The following EMG1 variants were observed in gnomAD, a reference collection of about 807,000 sequenced individuals.
EMG1 encodes ribosomal RNA small subunit methyltransferase NEP1.
In EMG1, 24 loss-of-function variants were observed where a neutral mutation model predicts 26.9. The observed-to-expected ratio is 0.89, with a 90% CI of 0.65 to 1.26. EMG1 has a LOEUF of 1.26. Among genes scored for constraint, EMG1 ranks in the 50% most tolerant of loss-of-function variants. The pLI is 0.00. For missense variants in EMG1, 299 were observed against 307.6 expected, an observed-to-expected ratio of 0.97 and a Z score of 0.21; for synonymous variants, 140 against 112.6, an observed-to-expected ratio of 1.24 and a Z score of -1.54.
chr12:6,980,979 C>T, downstream of EMG1: 1 of 1,557,374 alleles, frequency 6.4e-7, no homozygotes, highest in Non-Finnish European at 8.7e-7. Flanking sequence ...CCTACACAAA[C>T]ATCTGGACCA....
At chr12:6,981,595 C>G, downstream of EMG1, 1 of 1,614,010 alleles carries the variant, frequency 6.2e-7, no homozygotes, top group Non-Finnish European at 8.5e-7. Flanking sequence ...GGGTACTTAC[C>G]TGATCTTTCC....
downstream of EMG1, chr12:6,981,518 G>T (rs1442730790): frequency 6.9e-7 from 1 of 1,451,480 alleles, no homozygotes; most frequent in Non-Finnish European, 9.7e-7. Flanking sequence ...TGGAATTTGG[G>T]TTCAGTCTTT....
At position 6,975,353 on chromosome 12, in the gene EMG1, TG is replaced by T; in HGVS notation, c.598del (p.Val200Ter). ...CCCAGCAGTGATCCTATTGTTTTTG[TG>T]GTAGGGGCCTTTGCCCATGGCAAGG... ...LVPSSDPIVF[V>X]VGAFAHGKVS... On this transcript the variant is annotated frameshift_variant, in exon 5 of 6. Transcript: ENST00000599672. LOFTEE classifies it high-confidence loss of function. The T allele has an allele frequency of 6.2e-7, 1 of 1,604,532 alleles. No individual in the cohort carries two copies. Among genetic ancestry groups the T allele is most frequent in the Non-Finnish European group, 8.5e-7 (1 of 1,175,086 alleles).
At position 6,977,731 on chromosome 12, in the gene EMG1, C is replaced by T. The variant is rs376008049; in HGVS notation, c.*1922C>T. 1.2e-4 allele frequency: 200 copies of T among 1,613,872 alleles called. 2 individuals carry two copies. The Admixed American group carries it at 1.9e-3, about 16-fold the overall frequency. ...TTCTTTATTTCCAAGGAACTTGAGT[C>T]GTTTGAAGATGTAGCTGGAGAAAAG... On this transcript the variant is annotated 3_prime_UTR_variant, in exon 6 of 6. Coordinates refer to ENST00000599672, the MANE Select transcript of EMG1 (RefSeq NM_006331.8). The surrounding 1 kb of genome is among the most constrained non-coding windows in gnomAD (Gnocchi z 4.5).
At chr12:6,975,618 A>G (rs1184722868) in intron 5 of EMG1, 78 bp from the exon 6 acceptor site, 6 of 1,075,014 alleles carry the variant, frequency 5.6e-6, no homozygotes, top group Non-Finnish European at 8.7e-6. Flanking sequence ...TAGCTCAGCC[A>G]TAGTTTTCCT....
chr12:6,972,825 C>T (rs1043452113), intron 1 of EMG1, among the ~76,000 whole-genome samples: 2 of 152,066 alleles, frequency 1.3e-5, no homozygotes, highest in African/African-American at 2.4e-5. Flanking sequence ...TTCCTTTCTT[C>T]GTTTCCACTT....
chr12:6,978,186 G>T lies in EMG1; in HGVS notation c.*2377G>T. ...TGACAGTAATGGTTTTTTTGGGAGG[G>T]GGGTATAGGTGGGGGTCAAAGTCAG... On this transcript the variant is annotated 3_prime_UTR_variant, in exon 6 of 6. Coordinates refer to ENST00000599672, the MANE Select transcript of EMG1 (RefSeq NM_006331.8). The T allele has an allele frequency of 1.2e-6, 1 of 825,332 alleles. No individual in the cohort carries two copies. The highest frequency in any genetic ancestry group is 1.9e-6 in the Non-Finnish European group (1 of 528,322). 51.1% of individuals were successfully genotyped at this position (825,332 alleles called of 1,614,324 possible). A position where few individuals can be genotyped will look rare whatever the true frequency, so the allele number is the denominator to read the frequency against.
downstream of EMG1, chr12:6,982,539 C>G (rs999962753): frequency 1.5e-6 from 1 of 647,048 alleles, no homozygotes; most frequent in Non-Finnish European, 2.8e-6. Context: ...AGCCACCTAC[C>G]TGAAGTCATA....
chr12:6,974,220 T>G, intron 1 of EMG1, 119 bp from the exon 2 acceptor site: 2 of 739,318 alleles, frequency 2.7e-6, no homozygotes, highest in Non-Finnish European at 2.3e-6. Context: ...GCCTGAGAAT[T>G]TGCCTAACAA....
downstream of EMG1, among the ~76,000 whole-genome samples, chr12:6,988,847 C>T (rs1555155096): frequency 2.0e-5 from 3 of 152,130 alleles, no homozygotes; most frequent in African/African-American, 4.8e-5. Context: ...AACTTGTTGG[C>T]CGGGCGCCGT....
At chr12:6,992,688 TTC>T (rs1255050667), downstream of EMG1, among the ~76,000 whole-genome samples, 2 of 152,220 alleles carry the variant, frequency 1.3e-5, no homozygotes, top group Non-Finnish European at 2.9e-5. Flanking sequence ...AGTCTTTCCT[TTC>T]TCCCTGGTTT....
At chr12:6,992,451 C>T (rs954240403), downstream of EMG1, among the ~76,000 whole-genome samples, 3 of 152,182 alleles carry the variant, frequency 2.0e-5, no homozygotes, top group South Asian at 6.2e-4. Flanking sequence ...GTGTCACCGT[C>T]CTGATTTGTG....
Position 6,976,949 on chromosome 12 carries a change from T to G in EMG1, c.*1140T>G. The G allele has an allele frequency of 1.8e-6, 1 of 569,002 alleles. No homozygotes were observed. Among genetic ancestry groups the G allele is most frequent in the Admixed American group, 3.0e-5 (1 of 33,280 alleles). The allele number at this position is 569,002 out of a possible 1,614,324, so 35.2% of individuals were successfully genotyped here. A position where few individuals can be genotyped will look rare whatever the true frequency, so the allele number is the denominator to read the frequency against. On this transcript the variant is annotated 3_prime_UTR_variant, in exon 6 of 6. Coordinates refer to ENST00000599672, the MANE Select transcript of EMG1 (RefSeq NM_006331.8). ...AGTTACTCCTGTAATTCCTGGTCTA[T>G]AGCCCTTCCAGATGTTTCCTAGCAT...
downstream of EMG1, among the ~76,000 whole-genome samples, chr12:6,990,229 G>A (rs1208600385): frequency 1.3e-5 from 2 of 150,534 alleles, no homozygotes; most frequent in African/African-American, 4.9e-5. Context: ...AAAAATATAA[G>A]CGGGGCACGG....
In EMG1 at chr12:6,971,148, A is replaced by T. The variant is rs1164502569; in HGVS notation, c.168+57A>T. On this transcript the variant is annotated intron_variant, in intron 1 of 5. Coordinates refer to ENST00000599672, the MANE Select transcript of EMG1 (RefSeq NM_006331.8). ...AATCGATAGGTTGGGACTCCGTGGAATGAGGGTAAGGGGCCCAGAGTGGAT... is the reference window on the plus strand; with the variant it reads ...AATCGATAGGTTGGGACTCCGTGGATTGAGGGTAAGGGGCCCAGAGTGGAT... 6 of 1,456,052 alleles carry T rather than the reference A, an allele frequency of 4.1e-6. No individual in the cohort carries two copies. In the East Asian group the frequency reaches 1.2e-4, roughly 29 times the overall value. 90.2% of individuals were successfully genotyped at this position (1,456,052 alleles called of 1,614,324 possible).
rs782559214 is a variant in EMG1 at position 6,978,547 on chromosome 12, C to G, written c.*2738C>G. 6.8e-6 allele frequency: 11 copies of G among 1,612,678 alleles called. No individual in the cohort carries two copies. In the South Asian group the frequency reaches 9.9e-5, roughly 15 times the overall value. On this transcript the variant is annotated 3_prime_UTR_variant, in exon 6 of 6. Transcript: ENST00000599672. ...CTCAGTTAGGGCTCTTGCCACTCCCCATACTGGCCCCCATGGCTTGTCTAA... is the reference window on the plus strand; with the variant it reads ...CTCAGTTAGGGCTCTTGCCACTCCCGATACTGGCCCCCATGGCTTGTCTAA...
chr12:6,989,012 G>T, downstream of EMG1, among the ~76,000 whole-genome samples: 1 of 151,874 alleles, frequency 6.6e-6, no homozygotes, highest in East Asian at 1.9e-4. Context: ...TGTAATCCCA[G>T]CTACTCGGGA....
chr12:6,975,797 G>A lies in EMG1; in HGVS notation c.723G>A (p.Trp241Ter), dbSNP rs1555153095. The change falls in exon 6 of 6, where the codon TGG becomes TGA. Residue 241 changes from tryptophan to a stop codon, truncating the protein, a stop_gained. Coordinates refer to ENST00000599672, the MANE Select transcript of EMG1 (RefSeq NM_006331.8). LOFTEE classifies it high-confidence loss of function. ...TTACCACAGCCTTTGAGGAAGTATG[G>A]GGGGTCATTTGACAGTAGTAGAACC... ...AKLTTAFEEV[W>*]GVI The A allele has an allele frequency of 3.1e-6, 5 of 1,604,800 alleles. No homozygotes were observed. Among genetic ancestry groups the A allele is most frequent in the Non-Finnish European group, 4.3e-6 (5 of 1,171,610 alleles).
chr12:6,981,800 C>G, downstream of EMG1: 1 of 1,606,014 alleles, frequency 6.2e-7, no homozygotes, highest in South Asian at 1.1e-5. Context: ...CAGGCAGTGA[C>G]CATCACTCAC....
Sources: gnomAD v4.1 joint callset for allele counts (sites outside exome capture counted in the v4.1 genomes callset) on GRCh38, gnomAD v4.1.1 for gene constraint, Gnocchi (gnomAD v3.1) non-coding constraint, MANE v1.5 for transcripts, NCBI Gene and HGNC (gene_info 2026-07-23, HGNC 2026-07-21) for gene names.